UBR3: variants seen among roughly 807,000 people sequenced by gnomAD.
UBR3 encodes the protein ubiquitin protein ligase E3 component n-recognin 3, also known as E3 ubiquitin-protein ligase UBR3.
In UBR3, 85 loss-of-function variants were observed where a neutral mutation model predicts 243.2. The observed-to-expected ratio is 0.35, with a 90% CI of 0.29 to 0.42. The LOEUF is 0.42. Among genes scored for constraint, UBR3 ranks in the 10% least tolerant of loss-of-function variants. The pLI is 1.00. For synonymous variants in UBR3, 748 were observed against 799.8 expected (o/e 0.94, Z 1.09); for missense variants, 1,686 against 2,300.8 (o/e 0.73, Z 5.47).
At chr2:169,904,312 G>A (rs542251795) in intron 8 of UBR3, among the ~76,000 whole-genome samples, 3 of 152,198 alleles carry the variant, frequency 2.0e-5, no homozygotes, top group South Asian at 4.2e-4. Context: ...GTAACCATAC[G>A]CCCCAGCCTG....
At chr2:169,915,316 C>A (rs183996155) in intron 11 of UBR3, among the ~76,000 whole-genome samples, 1 of 152,238 alleles carries the variant, frequency 6.6e-6, no homozygotes, top group Non-Finnish European at 1.5e-5. Flanking sequence ...TCACTGCAAC[C>A]TCTGCCTCCC....
At chr2:169,852,605 G>A (rs981876085) in intron 1 of UBR3, among the ~76,000 whole-genome samples, 1 of 151,972 alleles carries the variant, frequency 6.6e-6, no homozygotes, top group African/African-American at 2.4e-5. Flanking sequence ...CACTTTGGGA[G>A]GCCAACGCAG....
intron 18 of UBR3, among the ~76,000 whole-genome samples, chr2:169,929,616 C>T (rs1003273425): frequency 1.3e-5 from 2 of 152,094 alleles, no homozygotes; most frequent in Non-Finnish European, 2.9e-5. Context: ...ATAGCACTTA[C>T]TTACATTTTG....
chr2:169,948,910 T>TA (rs959465169), intron 22 of UBR3, among the ~76,000 whole-genome samples: 19 of 148,584 alleles, frequency 1.3e-4, no homozygotes, highest in East Asian at 2.0e-4. Context: ...ATACTTAGTT[T>TA]AAAAAAAAAA....
At chr2:169,941,111 T>A (rs567220453) in intron 19 of UBR3, among the ~76,000 whole-genome samples, 13 of 152,290 alleles carry the variant, frequency 8.5e-5, no homozygotes, top group African/African-American at 3.1e-4. Context: ...AGGTCATTAG[T>A]AGCCCGATAC....
chr2:169,919,049 G>C (rs192748331), intron 11 of UBR3, among the ~76,000 whole-genome samples: 140 of 152,286 alleles, frequency 9.2e-4, no homozygotes, highest in Non-Finnish European at 1.5e-3. Context: ...AAGTCTTAAA[G>C]ATACAGTAAT....
At chr2:169,965,848 A>C (rs1363630248) in intron 24 of UBR3, among the ~76,000 whole-genome samples, 1 of 152,206 alleles carries the variant, frequency 6.6e-6, no homozygotes, top group Non-Finnish European at 1.5e-5. Context: ...GAAATCCTAG[A>C]TAAGGGGAGA....
intron 1 of UBR3, among the ~76,000 whole-genome samples, chr2:169,848,767 A>G (rs1268510105): frequency 6.8e-6 from 1 of 148,090 alleles, no homozygotes; most frequent in Non-Finnish European, 1.5e-5. Context: ...CAGTGGTGTG[A>G]TCTCGGCTCA....
intron 24 of UBR3, among the ~76,000 whole-genome samples, chr2:169,970,349 T>C (rs1467548559): frequency 6.8e-6 from 1 of 147,998 alleles, no homozygotes; most frequent in Admixed American, 6.9e-5. Flanking sequence ...ATACTTTAAG[T>C]TCTAGGGTAC....
intron 5 of UBR3, among the ~76,000 whole-genome samples, chr2:169,880,451 TCTC>T (rs747144080): frequency 3.3e-5 from 5 of 152,186 alleles, no homozygotes; most frequent in Non-Finnish European, 7.4e-5. Flanking sequence ...ACAGATGCCT[TCTC>T]CTCTGTCTAG....
At chr2:169,845,422 CAAAA>C (rs1201691579) in intron 1 of UBR3, among the ~76,000 whole-genome samples, 1 of 74,026 alleles carries the variant, frequency 1.4e-5, no homozygotes, top group Non-Finnish European at 2.7e-5. Context: ...GACCCCATCT[CAAAA>C]AAAAAAAAAA....
intron 10 of UBR3, among the ~76,000 whole-genome samples, chr2:169,913,362 T>G (rs979925730): frequency 5.3e-5 from 8 of 150,240 alleles, no homozygotes; most frequent in African/African-American, 2.0e-4. Flanking sequence ...TGTTTTTTGT[T>G]TTTTTTTTTG....
intron 28 of UBR3, 36 bp downstream of exon 28, chr2:170,007,226 A>G (rs1333361513): frequency 6.5e-7 from 1 of 1,545,912 alleles, no homozygotes; most frequent in South Asian, 1.2e-5. Context: ...ATCCTGGTTA[A>G]CTCAGCTCTG....
chr2:170,026,838 G>C (rs941687373), intron 30 of UBR3, among the ~76,000 whole-genome samples: 9 of 151,788 alleles, frequency 5.9e-5, no homozygotes, highest in African/African-American at 2.2e-4. Context: ...TTTAACTTTT[G>C]ATTATGATTA....
At chr2:169,890,537 A>ATC (rs2084293220) in intron 5 of UBR3, among the ~76,000 whole-genome samples, 1 of 62,672 alleles carries the variant, frequency 1.6e-5, no homozygotes, top group East Asian at 5.5e-4. Flanking sequence ...AGAGAGAGAG[A>ATC]GAGATATATA....
At chr2:169,866,789 A>G (rs1011185984) in intron 1 of UBR3, among the ~76,000 whole-genome samples, 1 of 152,264 alleles carries the variant, frequency 6.6e-6, no homozygotes, top group Non-Finnish European at 1.5e-5. Context: ...CACAGAGGCA[A>G]CTGAGGAGGC....
At chr2:169,880,889 G>T (rs2083795624) in intron 5 of UBR3, among the ~76,000 whole-genome samples, 1 of 151,946 alleles carries the variant, frequency 6.6e-6, no homozygotes, top group Admixed American at 6.6e-5. Context: ...ACATTAGTTG[G>T]CTAAGGATTA....
intron 17 of UBR3, 85 bp from the exon 18 acceptor site, chr2:169,928,642 A>C: frequency 8.6e-7 from 1 of 1,157,246 alleles, no homozygotes; most frequent in Non-Finnish European, 1.2e-6. Context: ...TGTCTACTTC[A>C]GCAAAATGAG....
In UBR3 at chr2:169,958,438, G is replaced by A. The variant is rs2087412938; in HGVS notation, c.3546G>A (p.Arg1182=). The A allele has an allele frequency of 6.2e-7, 1 of 1,612,334 alleles. No individual in the cohort carries two copies. The highest frequency in any genetic ancestry group is 1.1e-5 in the South Asian group (1 of 90,944). ...AEKKTLDKEE[R]RQKARERQQK... ...AAAACTTTATTTCTGTTTAATCTAGGCGACAGAAGGCTAGAGAGAGGCAGC... is the reference window on the plus strand; with the variant it reads ...AAAACTTTATTTCTGTTTAATCTAGACGACAGAAGGCTAGAGAGAGGCAGC... Residue 1182 remains arginine, a splice_region_variant and synonymous_variant, in exon 24 of 39, where the codon AGG becomes AGA. Coordinates refer to ENST00000272793, the MANE Select transcript of UBR3 (RefSeq NM_172070.4).
Sources: allele counts gnomAD v4.1 joint callset (sites outside exome capture counted in the v4.1 genomes callset), GRCh38; gene constraint gnomAD v4.1.1; transcripts MANE v1.5; gene names NCBI Gene and HGNC (gene_info 2026-07-23, HGNC 2026-07-21).